RFX3: variants seen among roughly 807,000 people sequenced by gnomAD.
RFX3 encodes the protein transcription factor RFX3.
RFX3 carries 14 observed loss-of-function variants against 98.6 expected under a neutral mutation model. That is an observed-to-expected ratio of 0.14 (90% CI 0.09 to 0.22). RFX3 has a LOEUF of 0.22. Ranked by LOEUF, RFX3 falls within the 10% of genes least tolerant of loss-of-function variation. The probability of loss-of-function intolerance (pLI) is 1.00; values close to 1 mark genes in which losing one functional copy is unlikely to be tolerated. For missense variants in RFX3, 639 were observed against 926.9 expected (o/e 0.69, Z 4.03); for synonymous variants, 383 against 328.4 (o/e 1.17, Z -1.80).
chr9:3,417,952 G>A (rs1843115792), intron 1 of RFX3, among the ~76,000 whole-genome samples: 1 of 152,140 alleles, frequency 6.6e-6, no homozygotes, highest in African/African-American at 2.4e-5. Context: ...TTCTTTAAAT[G>A]CCTATTTTCA....
chr9:3,451,084 T>A (rs1846578657), intron 1 of RFX3, among the ~76,000 whole-genome samples: 1 of 152,000 alleles, frequency 6.6e-6, no homozygotes, highest in Non-Finnish European at 1.5e-5. Flanking sequence ...AGCGAAGCGC[T>A]CAAAATAGAA....
At chr9:3,405,947 T>C (rs1238789160) in intron 1 of RFX3, among the ~76,000 whole-genome samples, 1 of 151,890 alleles carries the variant, frequency 6.6e-6, no homozygotes, top group Non-Finnish European at 1.5e-5. Context: ...GGGCATTTGG[T>C]TTTTTGTCTT....
chr9:3,500,367 A>G (rs1815860420), intron 1 of RFX3, among the ~76,000 whole-genome samples: 1 of 152,172 alleles, frequency 6.6e-6, no homozygotes, highest in South Asian at 2.1e-4. Context: ...TGTTAAAAGA[A>G]ATGTGGATTC....
At chr9:3,384,883 C>A (rs888564514) in intron 2 of RFX3, among the ~76,000 whole-genome samples, 9 of 152,172 alleles carry the variant, frequency 5.9e-5, no homozygotes, top group African/African-American at 2.2e-4. Context: ...TTCATACACT[C>A]ACTTCCCTGA....
chr9:3,504,198 T>C (rs1410803588), intron 1 of RFX3, among the ~76,000 whole-genome samples: 3 of 131,946 alleles, frequency 2.3e-5, no homozygotes, highest in Non-Finnish European at 4.6e-5. Flanking sequence ...ATATATTATA[T>C]ATATTATATA....
chr9:3,345,306 G>C (rs1171224166), intron 3 of RFX3, among the ~76,000 whole-genome samples: 1 of 152,168 alleles, frequency 6.6e-6, no homozygotes, highest in Non-Finnish European at 1.5e-5. Context: ...ATAGAAGTAT[G>C]AAAGGGGAAT....
chr9:3,236,253 G>A (rs1033214206), intron 15 of RFX3, among the ~76,000 whole-genome samples: 5 of 152,066 alleles, frequency 3.3e-5, no homozygotes, highest in Non-Finnish European at 7.4e-5. Flanking sequence ...TGCATTTCAA[G>A]GCCTAGGCTG....
intron 1 of RFX3, among the ~76,000 whole-genome samples, chr9:3,412,732 T>C (rs1842563003): frequency 6.6e-6 from 1 of 152,108 alleles, no homozygotes; most frequent in South Asian, 2.1e-4. Context: ...ACAGTTATTC[T>C]TAGAAAGAAA....
intron 1 of RFX3, among the ~76,000 whole-genome samples, chr9:3,431,524 G>A (rs1057489892): frequency 3.3e-5 from 5 of 152,122 alleles, no homozygotes; most frequent in East Asian, 3.9e-4. Flanking sequence ...TGAAAACCCC[G>A]CACTTTTTGC....
intron 13 of RFX3, among the ~76,000 whole-genome samples, chr9:3,259,729 C>G (rs1034724681): frequency 4.0e-5 from 6 of 151,746 alleles, no homozygotes; most frequent in African/African-American, 1.5e-4. Context: ...ACCAGTTATA[C>G]TGCAATAGAA....
At chr9:3,311,831 C>G (rs956925550) in intron 4 of RFX3, among the ~76,000 whole-genome samples, 6 of 149,508 alleles carry the variant, frequency 4.0e-5, no homozygotes, top group Admixed American at 1.3e-4. Context: ...TTCCAGTGAG[C>G]CAAGATTGCA....
At chr9:3,416,189 T>C (rs1157786745) in intron 1 of RFX3, among the ~76,000 whole-genome samples, 1 of 152,212 alleles carries the variant, frequency 6.6e-6, no homozygotes, top group East Asian at 1.9e-4. Context: ...TTATAAATAC[T>C]ATCCCAGTTA....
intron 3 of RFX3, among the ~76,000 whole-genome samples, chr9:3,346,132 T>C (rs1276697246): frequency 1.3e-5 from 2 of 152,184 alleles, no homozygotes; most frequent in Non-Finnish European, 2.9e-5. Flanking sequence ...AATTTACAAA[T>C]TTATATTATT....
At chr9:3,393,307 GTTT>G (rs921629157) in intron 2 of RFX3, among the ~76,000 whole-genome samples, 10 of 152,108 alleles carry the variant, frequency 6.6e-5, no homozygotes, top group African/African-American at 2.4e-4. Context: ...ACCTTGCTAA[GTTT>G]TTTGAGTCTT....
At chr9:3,421,589 G>C (rs1424273133) in intron 1 of RFX3, among the ~76,000 whole-genome samples, 1 of 152,126 alleles carries the variant, frequency 6.6e-6, no homozygotes, top group South Asian at 2.1e-4. Flanking sequence ...TCTCAGCATT[G>C]CAAGTCCTTG....
chr9:3,507,101 T>G (rs1322097964), intron 1 of RFX3, among the ~76,000 whole-genome samples: 1 of 151,922 alleles, frequency 6.6e-6, no homozygotes, highest in Non-Finnish European at 1.5e-5. Flanking sequence ...TATGGAGTCT[T>G]CTGCCCTCAG....
intron 1 of RFX3, among the ~76,000 whole-genome samples, chr9:3,424,307 T>C (rs1418886629): frequency 2.0e-5 from 3 of 149,808 alleles, no homozygotes; most frequent in Non-Finnish European, 3.0e-5. Flanking sequence ...TTCCCACATT[T>C]GGGAATAGCA....
At position 3,221,630 on chromosome 9, in the gene RFX3, G is replaced by C. The variant is rs1279395585; in HGVS notation, c.*3412C>G. ...CAGTTTGGATGAAAATCCTGAATAA[G>C]TGACTAGCAACTTGATAGCCAAAGA... On this transcript the variant is annotated 3_prime_UTR_variant, in exon 17 of 17. Transcript: ENST00000617270. The C allele has an allele frequency of 6.6e-6, 1 of 152,102 alleles. No individual in the cohort carries two copies. The highest frequency in any genetic ancestry group is 2.4e-5 in the African/African-American group (1 of 41,438). 9.4% of individuals were successfully genotyped at this position (152,102 alleles called of 1,614,324 possible).
intron 1 of RFX3, among the ~76,000 whole-genome samples, chr9:3,477,422 T>G (rs1236815719): frequency 6.6e-6 from 1 of 152,228 alleles, no homozygotes; most frequent in African/African-American, 2.4e-5. Flanking sequence ...CGTCTTAATT[T>G]CACTTTCAGT....
Sources: gnomAD v4.1 joint callset for allele counts (sites outside exome capture counted in the v4.1 genomes callset) on GRCh38, gnomAD v4.1.1 for gene constraint, MANE v1.5 for transcripts, NCBI Gene and HGNC (gene_info 2026-07-23, HGNC 2026-07-21) for gene names.